The following ZBTB44 variants were observed in gnomAD, a reference collection of about 807,000 sequenced individuals.
ZBTB44 encodes zinc finger and BTB domain-containing protein 44.
Under a neutral mutation model 54.0 loss-of-function variants are expected in ZBTB44, and 15 were observed. The observed-to-expected ratio is 0.28, with a 90% CI of 0.19 to 0.43. The LOEUF (loss-of-function observed/expected upper bound fraction) is 0.43. Ranked by LOEUF, ZBTB44 falls within the 20% of genes least tolerant of loss-of-function variation. The pLI, the probability that ZBTB44 is intolerant of heterozygous loss-of-function variation, is 1.00. For synonymous variants in ZBTB44, 230 were observed against 250.1 expected, an observed-to-expected ratio of 0.92 and a Z score of 0.76; for missense variants, 487 against 707.1, an observed-to-expected ratio of 0.69 and a Z score of 3.53.
intron 1 of ZBTB44, among the ~76,000 whole-genome samples, chr11:130,309,593 C>G (rs991283755): frequency 6.6e-6 from 1 of 152,080 alleles, no homozygotes; most frequent in Admixed American, 6.6e-5. Context: ...GATGGAGTCA[C>G]CTGGGCGCAG....
chr11:130,295,968 C>G, intron 1 of ZBTB44: 2 of 1,538,172 alleles, frequency 1.3e-6, no homozygotes, highest in Non-Finnish European at 1.8e-6. Context: ...TCACTGTGGC[C>G]ACACCAGGCC....
intron 1 of ZBTB44, among the ~76,000 whole-genome samples, chr11:130,266,821 T>TGG (rs1192898149): frequency 3.3e-5 from 5 of 152,160 alleles, no homozygotes; most frequent in African/African-American, 1.2e-4. Flanking sequence ...GCAAAGACAG[T>TGG]GGTTTCTTGA....
chr11:130,287,798 C>A (rs573139164), intron 1 of ZBTB44, among the ~76,000 whole-genome samples: 2 of 152,128 alleles, frequency 1.3e-5, no homozygotes, highest in South Asian at 4.2e-4. Flanking sequence ...CCTCTTTACA[C>A]TCTTAAAATT....
At chr11:130,290,250 A>AT (rs1405809793) in intron 1 of ZBTB44, among the ~76,000 whole-genome samples, 1 of 152,230 alleles carries the variant, frequency 6.6e-6, no homozygotes, top group Admixed American at 6.5e-5. Flanking sequence ...TGCAGCCCAC[A>AT]TAAGCTGCAA....
intron 1 of ZBTB44, among the ~76,000 whole-genome samples, chr11:130,275,439 A>G (rs762897689): frequency 5.9e-5 from 9 of 152,186 alleles, no homozygotes; most frequent in African/African-American, 1.9e-4. Flanking sequence ...TTGGCCTCCC[A>G]AAGTGCTGAG....
At chr11:130,241,510 A>G (rs1954360711) in intron 2 of ZBTB44, among the ~76,000 whole-genome samples, 1 of 152,200 alleles carries the variant, frequency 6.6e-6, no homozygotes, top group African/African-American at 2.4e-5. Context: ...CTAGTGTCAC[A>G]TATTTACGGA....
rs540874550 is a variant in ZBTB44, at chr11:130,299,725, T to A, written c.-57+14650A>T. On this transcript the variant is annotated intron_variant, in intron 1 of 7. Transcript: ENST00000357899. ...TGGTTGGTGGGAATGTAAAATGGCA[T>A]AGCCACTATAGAAAACAGTATAGAG... Among the ~76,000 whole-genome samples the A allele has an allele frequency of 7.2e-5, 11 of 151,862 alleles. No individual in the cohort carries two copies. In the South Asian group the frequency reaches 2.3e-3, roughly 32 times the overall value.
At chr11:130,240,382 A>G (rs1954310857) in intron 2 of ZBTB44, among the ~76,000 whole-genome samples, 1 of 152,196 alleles carries the variant, frequency 6.6e-6, no homozygotes, top group Non-Finnish European at 1.5e-5. Flanking sequence ...AAGAAAAACC[A>G]CATGTAAGAT....
intron 1 of ZBTB44, among the ~76,000 whole-genome samples, chr11:130,290,720 T>C (rs11828384): frequency 0.063 from 9,517 of 152,230 alleles, 736 homozygotes; most frequent in African/African-American, 0.18. Context: ...TATCCTACAC[T>C]CTATCACATC....
chr11:130,245,103 C>T (rs886426621), intron 2 of ZBTB44, among the ~76,000 whole-genome samples: 4 of 152,186 alleles, frequency 2.6e-5, no homozygotes, highest in Non-Finnish European at 5.9e-5. Flanking sequence ...TGAAAATACG[C>T]AGGACTATGT....
chr11:130,291,298 C>G (rs983722089), intron 1 of ZBTB44, among the ~76,000 whole-genome samples: 1 of 152,066 alleles, frequency 6.6e-6, no homozygotes, highest in African/African-American at 2.4e-5. Flanking sequence ...GCCACCATAC[C>G]CAGCTAATTT....
At chr11:130,292,322 C>T (rs1361349344) in intron 1 of ZBTB44, among the ~76,000 whole-genome samples, 1 of 152,118 alleles carries the variant, frequency 6.6e-6, no homozygotes, top group African/African-American at 2.4e-5. Flanking sequence ...GCTTATTATA[C>T]TGCAGTGATT....
At position 130,274,832 on chromosome 11, in the gene ZBTB44, C is replaced by A. The variant is rs995737887; in HGVS notation, c.-56-12903G>T. On this transcript the variant is annotated intron_variant, in intron 1 of 7. Coordinates refer to ENST00000357899, the MANE Select transcript of ZBTB44 (RefSeq NM_001301098.2). ...TTGGTCTGGAGTTTTCTTGTGACGT[C>A]TTTGTCTGGCTTTATTGTCAGGGTA... Among the ~76,000 whole-genome samples the A allele has an allele frequency of 2.0e-5, 3 of 152,112 alleles. No individual in the cohort carries two copies. The South Asian group carries it at 6.2e-4, about 31-fold the overall frequency.
intron 5 of ZBTB44, among the ~76,000 whole-genome samples, chr11:130,235,853 T>C (rs1480823342): frequency 6.6e-6 from 1 of 151,720 alleles, no homozygotes; most frequent in Non-Finnish European, 1.5e-5. Context: ...AATACAAATA[T>C]TAGCTGGGTG....
chr11:130,241,651 CTTTT>C, intron 2 of ZBTB44, among the ~76,000 whole-genome samples: 1 of 151,224 alleles, frequency 6.6e-6, no homozygotes. Flanking sequence ...CATCCCATGG[CTTTT>C]TTTTTCACCC....
chr11:130,253,323 C>T (rs113438863), intron 2 of ZBTB44, among the ~76,000 whole-genome samples: 5,965 of 152,250 alleles, frequency 0.039, 284 homozygotes, highest in African/African-American at 0.11. Flanking sequence ...AAAACCCCAT[C>T]GTCTCAGCCC....
rs1015043324 is a variant in ZBTB44 at position 130,314,444 on chromosome 11, AGGCGGC to A, written c.-132_-127del. 6.6e-6 allele frequency: 1 copy of A among 151,630 alleles called. No homozygotes were observed. The highest frequency in any genetic ancestry group is 1.4e-5 in the Non-Finnish European group (1 of 69,024). The allele number at this position is 151,630 out of a possible 1,614,324, so 9.4% of individuals were successfully genotyped here. A position where few individuals can be genotyped will look rare whatever the true frequency, so the allele number is the denominator to read the frequency against. On this transcript the variant is annotated 5_prime_UTR_variant, in exon 1 of 8. Transcript: ENST00000357899. ...CTTCTCCCGCCAGGCTGGGGCGGCG[AGGCGGC>A]GGCGGCGGCGGCCCGGGGGGAGGGG...
intron 2 of ZBTB44, among the ~76,000 whole-genome samples, chr11:130,243,906 C>T (rs141729615): frequency 0.011 from 1,628 of 152,066 alleles, 30 homozygotes; most frequent in African/African-American, 0.037. Flanking sequence ...AAGCAGGGAG[C>T]AGGTTTAGTT....
chr11:130,251,986 A>AG (rs1938040573), intron 2 of ZBTB44, among the ~76,000 whole-genome samples: 1 of 152,234 alleles, frequency 6.6e-6, no homozygotes, highest in Non-Finnish European at 1.5e-5. Flanking sequence ...AAACTGGATA[A>AG]AGAGTTGAGA....
Sources: gnomAD v4.1 joint callset for allele counts (sites outside exome capture counted in the v4.1 genomes callset) on GRCh38, gnomAD v4.1.1 for gene constraint, MANE v1.5 for transcripts, NCBI Gene and HGNC (gene_info 2026-07-23, HGNC 2026-07-21) for gene names.